The following PCDH15 variants were observed in gnomAD, a reference collection of about 807,000 sequenced individuals.
The protein encoded by PCDH15 is protocadherin related 15.
PCDH15 carries 129 observed loss-of-function variants against 178.5 expected under a neutral mutation model. The ratio of observed to expected loss-of-function variants is 0.72; its 90% confidence interval spans 0.63 to 0.84. The LOEUF (loss-of-function observed/expected upper bound fraction) is 0.84, where lower values mean the gene tolerates loss of function less well. PCDH15 is among the 40% of genes least tolerant of loss of function. The probability of loss-of-function intolerance (pLI) is 0.00; values close to 1 mark genes in which losing one functional copy is unlikely to be tolerated. For missense variants in PCDH15, 2,230 were observed against 2,099.9 expected (o/e 1.06, Z -1.21); for synonymous variants, 800 against 732.0 (o/e 1.09, Z -1.50).
chr10:54,357,738 G>T (rs1411942182), intron 5 of PCDH15, among the ~76,000 whole-genome samples: 1 of 152,136 alleles, frequency 6.6e-6, no homozygotes, highest in Non-Finnish European at 1.5e-5. Flanking sequence ...AAAGCTGGAG[G>T]CATCACGCTA....
In PCDH15 at chr10:54,236,342, A is replaced by G. The variant is rs184683165; in HGVS notation, c.985+481T>C. On this transcript the variant is annotated intron_variant, in intron 9 of 37. Transcript: ENST00000644397. The stretch of plus-strand genomic sequence containing the variant: ...CAAGAAAAATATTTACCAAAGGTTA[A>G]TATTTCGTGTTCCCTTGGGCTAATC... Among the ~76,000 whole-genome samples, 22 of 152,216 alleles carry G rather than the reference A, an allele frequency of 1.4e-4. No individual in the cohort carries two copies. In the East Asian group the frequency reaches 3.7e-3, roughly 25 times the overall value.
chr10:54,278,749 G>C (rs145634680), intron 8 of PCDH15, among the ~76,000 whole-genome samples: 329 of 151,656 alleles, frequency 2.2e-3, no homozygotes, highest in Middle Eastern at 3.4e-3. Flanking sequence ...TGAGGAGCCT[G>C]TGGAGAATGG....
intron 21 of PCDH15, among the ~76,000 whole-genome samples, chr10:53,974,321 T>C (rs2090011216): frequency 6.6e-6 from 1 of 152,132 alleles, no homozygotes; most frequent in South Asian, 2.1e-4. Flanking sequence ...AGCCAGAAAT[T>C]AAACACAATT....
intron 2 of PCDH15, among the ~76,000 whole-genome samples, chr10:55,536,428 T>C (rs1841579594): frequency 6.6e-6 from 1 of 152,110 alleles, no homozygotes; most frequent in South Asian, 2.1e-4. Flanking sequence ...TTTGAAAGTG[T>C]TTCTATCTTT....
chr10:54,549,274 C>A (rs2086262420), intron 2 of PCDH15, among the ~76,000 whole-genome samples: 1 of 151,398 alleles, frequency 6.6e-6, no homozygotes, highest in South Asian at 2.1e-4. Flanking sequence ...TGATTTTCAG[C>A]CTTTCTTCTT....
chr10:53,878,223 T>TATATATATATATATTCTAC (rs2080390651), intron 26 of PCDH15, among the ~76,000 whole-genome samples: 5 of 21,792 alleles, frequency 2.3e-4, no homozygotes, highest in African/African-American at 4.5e-4. Flanking sequence ...TGAATATATA[T>TATATATATATATATTCTAC]ATATATATAT....
At chr10:54,438,492 A>G (rs1274485327) in intron 3 of PCDH15, among the ~76,000 whole-genome samples, 2 of 151,966 alleles carry the variant, frequency 1.3e-5, no homozygotes, top group East Asian at 1.9e-4. Context: ...CTTGGCCTAT[A>G]TATAGCATAT....
chr10:55,040,494 TACAACAACAACA>T (rs71461272), intron 2 of PCDH15, among the ~76,000 whole-genome samples: 4 of 149,846 alleles, frequency 2.7e-5, no homozygotes, highest in Middle Eastern at 3.4e-3. Flanking sequence ...CCAAAACAAC[TACAACAACAACA>T]ACAACAACAA....
At chr10:55,257,388 G>A (rs1168967695) in intron 1 of PCDH15, among the ~76,000 whole-genome samples, 1 of 152,192 alleles carries the variant, frequency 6.6e-6, no homozygotes, top group Non-Finnish European at 1.5e-5. Flanking sequence ...ACTTTGACGA[G>A]TTGAGAGAAG....
chr10:54,302,202 C>T (rs2060187471), intron 8 of PCDH15, among the ~76,000 whole-genome samples: 1 of 152,124 alleles, frequency 6.6e-6, no homozygotes, highest in Admixed American at 6.5e-5. Context: ...AACTCCCACC[C>T]ATTCACTTCC....
intron 3 of PCDH15, among the ~76,000 whole-genome samples, chr10:54,836,881 C>T (rs1953326365): frequency 6.6e-6 from 1 of 151,662 alleles, no homozygotes; most frequent in South Asian, 2.1e-4. Context: ...CAGAAAAGAT[C>T]AAACAACTAT....
intron 5 of PCDH15, among the ~76,000 whole-genome samples, chr10:54,357,958 C>T (rs1185220072): frequency 6.6e-6 from 1 of 151,796 alleles, no homozygotes; most frequent in East Asian, 1.9e-4. Context: ...ACTGGCTAGC[C>T]ATATGGAGAA....
chr10:53,888,293 T>TATATATATATATATATATAC lies in PCDH15; in HGVS notation c.3501+14949_3501+14950insGTATATATATATATATATAT, dbSNP rs2081250124. Among the ~76,000 whole-genome samples the TATATATATATATATATATAC allele has an allele frequency of 4.3e-5, 3 of 69,398 alleles. 1 individual carries two copies. Among genetic ancestry groups the TATATATATATATATATATAC allele is most frequent in the African/African-American group, 2.1e-4 (3 of 14,430 alleles). 45.5% of individuals were successfully genotyped at this position (69,398 alleles called of 152,430 possible). A position where few individuals can be genotyped will look rare whatever the true frequency, so the allele number is the denominator to read the frequency against. On this transcript the variant is annotated intron_variant, in intron 26 of 37. Transcript: ENST00000644397. ...TAAACATTCCAACACTATATATACA[T>TATATATATATATATATATAC]ATATATATATATATATGTATATATG...
chr10:54,284,166 CA>C (rs2058887450), intron 8 of PCDH15, among the ~76,000 whole-genome samples: 1 of 152,060 alleles, frequency 6.6e-6, no homozygotes, highest in African/African-American at 2.4e-5. Context: ...TTATATTTAA[CA>C]AAATGGATTA....
chr10:54,749,981 A>C (rs547364232), intron 1 of PCDH15, among the ~76,000 whole-genome samples: 175 of 152,200 alleles, frequency 1.1e-3, no homozygotes, highest in Non-Finnish European at 2.0e-3. Context: ...ATACTTTAAA[A>C]GAAATTTATG....
At chr10:53,927,493 C>A (rs1357529020) in intron 25 of PCDH15, among the ~76,000 whole-genome samples, 1 of 152,004 alleles carries the variant, frequency 6.6e-6, no homozygotes, top group Non-Finnish European at 1.5e-5. Flanking sequence ...AAATCAGATC[C>A]ATTTTGGACA....
intron 1 of PCDH15, among the ~76,000 whole-genome samples, chr10:54,777,773 T>A (rs1201823791): frequency 6.6e-6 from 1 of 152,124 alleles, no homozygotes; most frequent in Non-Finnish European, 1.5e-5. Context: ...AAGAAAAAAA[T>A]TGAGAAAATT....
intron 1 of PCDH15, among the ~76,000 whole-genome samples, chr10:54,768,759 T>C (rs1447182574): frequency 6.6e-6 from 1 of 152,162 alleles, no homozygotes; most frequent in African/African-American, 2.4e-5. Flanking sequence ...CCCAAGTGCC[T>C]TACATGGTGT....
chr10:55,606,532 C>G (rs1400425212), intron 2 of PCDH15, among the ~76,000 whole-genome samples: 1 of 142,944 alleles, frequency 7.0e-6, no homozygotes, highest in Non-Finnish European at 1.5e-5. Flanking sequence ...CAGCATGGTA[C>G]TGGTACCAAA....
Sources: gnomAD v4.1 joint callset for allele counts (sites outside exome capture counted in the v4.1 genomes callset) on GRCh38, gnomAD v4.1.1 for gene constraint, MANE v1.5 for transcripts, NCBI Gene and HGNC (gene_info 2026-07-23, HGNC 2026-07-21) for gene names.